Variants in SERTAD2 observed in about 807,000 individuals in gnomAD.
The protein encoded by SERTAD2 is SERTA domain-containing protein 2.
A neutral mutation model predicts 15.4 loss-of-function variants in SERTAD2; 2 were observed. The observed-to-expected ratio is 0.13, with a 90% CI of 0.05 to 0.41. The LOEUF (loss-of-function observed/expected upper bound fraction) is 0.41, where lower values mean the gene tolerates loss of function less well. SERTAD2 is among the 10% of genes least tolerant of loss of function. SERTAD2 has a pLI of 0.99. For synonymous variants in SERTAD2, 180 were observed against 178.0 expected (o/e 1.01, Z -0.09); for missense variants, 333 against 409.7 (o/e 0.81, Z 1.62).
At chr2:64,651,760 C>A (rs560069890) in intron 1 of SERTAD2, among the ~76,000 whole-genome samples, 1 of 152,188 alleles carries the variant, frequency 6.6e-6, no homozygotes, top group African/African-American at 2.4e-5. Context: ...TTACCTAAGA[C>A]GCTGTGACAT....
At chr2:64,637,236 T>C (rs1167341081) in intron 1 of SERTAD2, among the ~76,000 whole-genome samples, 4 of 152,196 alleles carry the variant, frequency 2.6e-5, no homozygotes, top group Admixed American at 2.6e-4. Flanking sequence ...GCAGGTTCGA[T>C]TTCCCTCCCC....
At chr2:64,642,076 G>C (rs1674788783) in intron 1 of SERTAD2, among the ~76,000 whole-genome samples, 1 of 152,208 alleles carries the variant, frequency 6.6e-6, no homozygotes, top group African/African-American at 2.4e-5. Context: ...TCTTTATTCA[G>C]TTAATCTTGA....
intron 1 of SERTAD2, among the ~76,000 whole-genome samples, chr2:64,649,818 C>T (rs1011258437): frequency 1.3e-5 from 2 of 152,186 alleles, no homozygotes; most frequent in African/African-American, 4.8e-5. Context: ...CTCCAGCCCC[C>T]ACCCCACGCC....
intron 1 of SERTAD2, among the ~76,000 whole-genome samples, chr2:64,645,392 G>GAAGA (rs1553412322): frequency 2.9e-4 from 44 of 149,780 alleles, no homozygotes; most frequent in South Asian, 8.3e-4. Context: ...AGAAGAAGAA[G>GAAGA]AAAAAAAAAG....
chr2:64,635,528 T>G lies in SERTAD2; in HGVS notation c.*399A>C, dbSNP rs1027222049. On this transcript the variant is annotated 3_prime_UTR_variant, in exon 2 of 2. Coordinates refer to ENST00000313349, the MANE Select transcript of SERTAD2 (RefSeq NM_014755.3). ...GTACTGAGATTATCTAAATAAGATATATATATATAGTTTTCTTCTTTACCT... is the reference window on the plus strand; with the variant it reads ...GTACTGAGATTATCTAAATAAGATAGATATATATAGTTTTCTTCTTTACCT... 6.1e-6 allele frequency: 1 copy of G among 164,580 alleles called. No homozygotes were observed. Among genetic ancestry groups the G allele is most frequent in the Admixed American group, 5.6e-5 (1 of 17,808 alleles). The allele number at this position is 164,580 out of a possible 1,614,324, so 10.2% of individuals were successfully genotyped here.
At chr2:64,640,136 TTCTA>T (rs1350819255) in intron 1 of SERTAD2, among the ~76,000 whole-genome samples, 5 of 152,240 alleles carry the variant, frequency 3.3e-5, no homozygotes, top group Admixed American at 6.5e-5. Flanking sequence ...TTAATCCTAA[TTCTA>T]TCTAAGCTGT....
At chr2:64,651,212 G>T (rs914137432) in intron 1 of SERTAD2, among the ~76,000 whole-genome samples, 2 of 151,988 alleles carry the variant, frequency 1.3e-5, no homozygotes, top group Non-Finnish European at 2.9e-5. Context: ...TTTTTAACAA[G>T]AAACCACAGC....
In SERTAD2 at chr2:64,636,608, G is replaced by A; in HGVS notation, c.264C>T (p.Pro88=). ...QEGSLRPMFT[P]SSQPTTEPSD... ...TGGGCTCGGTGGTGGGCTGGGAGGA[G>A]GGGGTGAACATGGGCCTCAGGCTGC... is the stretch of plus-strand genomic sequence containing the variant. The change falls in exon 2 of 2, where the codon CCC becomes CCT. Residue 88 remains proline, a synonymous_variant. Coordinates refer to ENST00000313349, the MANE Select transcript of SERTAD2 (RefSeq NM_014755.3). The A allele has an allele frequency of 1.9e-6, 3 of 1,610,126 alleles. No individual in the cohort carries two copies. Among genetic ancestry groups the A allele is most frequent in the East Asian group, 4.5e-5 (2 of 44,830 alleles).
intron 1 of SERTAD2, among the ~76,000 whole-genome samples, chr2:64,652,431 T>C (rs1042537092): frequency 1.3e-5 from 2 of 152,238 alleles, no homozygotes; most frequent in African/African-American, 4.8e-5. Flanking sequence ...TGTCAGGGAC[T>C]AGTCTCTAAC....
At chr2:64,644,511 C>G (rs533248037) in intron 1 of SERTAD2, 2 of 152,362 alleles carry the variant, frequency 1.3e-5, no homozygotes, top group South Asian at 4.1e-4. Context: ...TGTGACACAG[C>G]AACTTCCGAG....
At chr2:64,646,051 G>T (rs890482983) in intron 1 of SERTAD2, among the ~76,000 whole-genome samples, 8 of 152,134 alleles carry the variant, frequency 5.3e-5, no homozygotes, top group African/African-American at 1.7e-4. Flanking sequence ...CAAGTAAAAG[G>T]TTGAGTAGAA....
At chr2:64,646,069 GT>G (rs1674894600) in intron 1 of SERTAD2, among the ~76,000 whole-genome samples, 1 of 152,166 alleles carries the variant, frequency 6.6e-6, no homozygotes, top group Admixed American at 6.5e-5. Context: ...GAATTATACA[GT>G]TTCTAACCTT....
rs540143167 is a variant in SERTAD2, at chr2:64,635,910, C to T, written c.*17G>A. ...GCTCTGGGGTCTGGGTGGGCATAGTCGCTGGGTCCCTGGGTCTTAGGACCC... is the reference window on the plus strand; with the variant it reads ...GCTCTGGGGTCTGGGTGGGCATAGTTGCTGGGTCCCTGGGTCTTAGGACCC... On this transcript the variant is annotated 3_prime_UTR_variant, in exon 2 of 2. Transcript: ENST00000313349. 1.6e-5 allele frequency: 25 copies of T among 1,585,914 alleles called. No individual in the cohort carries two copies. The highest frequency in any genetic ancestry group is 1.7e-4 in the Middle Eastern group (1 of 5,786).
chr2:64,643,735 G>A (rs578109312), intron 1 of SERTAD2, among the ~76,000 whole-genome samples: 22 of 152,222 alleles, frequency 1.4e-4, no homozygotes, highest in Non-Finnish European at 3.2e-4. Context: ...AGGCGGTGGC[G>A]GGTACCTGTA....
At chr2:64,640,325 A>C (rs1674743828) in intron 1 of SERTAD2, among the ~76,000 whole-genome samples, 1 of 152,140 alleles carries the variant, frequency 6.6e-6, no homozygotes, top group Admixed American at 6.5e-5. Flanking sequence ...CACCTCCTTA[A>C]GCAGGGCCCA....
Position 64,634,991 on chromosome 2 carries a change from G to C in SERTAD2, c.*936C>G, listed in dbSNP as rs945462021. 6.6e-6 allele frequency: 1 copy of C among 152,668 alleles called. No individual in the cohort carries two copies. The highest frequency in any genetic ancestry group is 2.4e-5 in the African/African-American group (1 of 41,444). The allele number at this position is 152,668 out of a possible 1,614,324, so 9.5% of individuals were successfully genotyped here. The stretch of plus-strand genomic sequence containing the variant: ...AGCCATCTCCCGCCAACTGCTTAAT[G>C]CAAGTTTGATGAGCACATGTGGCTC... On this transcript the variant is annotated 3_prime_UTR_variant, in exon 2 of 2. Transcript: ENST00000313349.
intron 1 of SERTAD2, among the ~76,000 whole-genome samples, chr2:64,644,094 C>T (rs1674842891): frequency 6.6e-6 from 1 of 152,128 alleles, no homozygotes; most frequent in Non-Finnish European, 1.5e-5. Flanking sequence ...AGAAGTGTGG[C>T]GATTGTCTTA....
At position 64,634,021 on chromosome 2, in the gene SERTAD2, T is replaced by A. The variant is rs1210430142; in HGVS notation, c.*1906A>T. The A allele has an allele frequency of 6.6e-6, 1 of 152,648 alleles. No homozygotes were observed. The highest frequency in any genetic ancestry group is 1.5e-5 in the Non-Finnish European group (1 of 68,054). 9.5% of individuals were successfully genotyped at this position (152,648 alleles called of 1,614,324 possible). On this transcript the variant is annotated 3_prime_UTR_variant, in exon 2 of 2. Transcript: ENST00000313349. ...AAAGTGCCATTTTATAAAGTTGTCT[T>A]TTTTAATTAGCCAGAAAGACCCAAT... is the stretch of plus-strand genomic sequence containing the variant.
At chr2:64,648,657 T>G (rs1019387868) in intron 1 of SERTAD2, among the ~76,000 whole-genome samples, 1 of 151,836 alleles carries the variant, frequency 6.6e-6, no homozygotes, top group African/African-American at 2.4e-5. Flanking sequence ...TTCCTCAACC[T>G]CCCCAGCCTG....
Sources: gnomAD v4.1 joint callset for allele counts (sites outside exome capture counted in the v4.1 genomes callset) on GRCh38, gnomAD v4.1.1 for gene constraint, MANE v1.5 for transcripts, NCBI Gene and HGNC (gene_info 2026-07-23, HGNC 2026-07-21) for gene names.